Variants in DAB1 observed in about 807,000 individuals in gnomAD.
DAB1 encodes the protein disabled homolog 1.
Under a neutral mutation model 64.6 loss-of-function variants are expected in DAB1, and 15 were observed. That is an observed-to-expected ratio of 0.23 (90% confidence interval 0.16 to 0.36). The LOEUF (loss-of-function observed/expected upper bound fraction) is 0.36. DAB1 is among the 10% of genes least tolerant of loss of function. The pLI, the probability that DAB1 is intolerant of heterozygous loss-of-function variation, is 1.00. For synonymous variants in DAB1, 235 were observed against 251.9 expected, an observed-to-expected ratio of 0.93 and a Z score of 0.64; for missense variants, 596 against 706.7, an observed-to-expected ratio of 0.84 and a Z score of 1.78.
chr1:57,358,654 G>A (rs1407222163), intron 1 of DAB1, among the ~76,000 whole-genome samples: 1 of 151,796 alleles, frequency 6.6e-6, no homozygotes, highest in Non-Finnish European at 1.5e-5. Context: ...AACCACAAAA[G>A]AGCCCAAATA....
At chr1:58,219,025 C>CTCTCTCTCTCTCTGTGTGTGTG (rs376130413) in intron 4 of DAB1, among the ~76,000 whole-genome samples, 1 of 129,474 alleles carries the variant, frequency 7.7e-6, no homozygotes, top group Non-Finnish European at 1.6e-5. Flanking sequence ...CTCTCTCTCT[C>CTCTCTCTCTCTCTGTGTGTGTG]TGTGTGTGTG....
At chr1:58,481,661 A>G (rs1283725088) in intron 3 of DAB1, among the ~76,000 whole-genome samples, 1 of 152,066 alleles carries the variant, frequency 6.6e-6, no homozygotes, top group East Asian at 1.9e-4. Context: ...GTCTCCACCC[A>G]AATCTCATCT....
intron 3 of DAB1, among the ~76,000 whole-genome samples, chr1:58,427,804 G>C (rs1644835426): frequency 6.6e-6 from 1 of 152,116 alleles, no homozygotes; most frequent in African/African-American, 2.4e-5. Flanking sequence ...CTAGAGTTCA[G>C]GGGAGAGGCC....
In DAB1 at chr1:58,053,996, C is replaced by A. The variant is rs1322704974; in HGVS notation, n.387+96515G>T. On this transcript the variant is annotated intron_variant and non_coding_transcript_variant, in intron 5 of 20. Transcript: ENST00000485760. Reference sequence around the variant, plus strand: ...TTGTATGCTATACTGAAGGGAAGAACAAGAGGGAAGAAGTTAGAAAGGAAG... The same window carrying A: ...TTGTATGCTATACTGAAGGGAAGAAAAAGAGGGAAGAAGTTAGAAAGGAAG... Among the ~76,000 whole-genome samples the A allele has an allele frequency of 2.0e-5, 3 of 152,166 alleles. No homozygotes were observed. In the East Asian group the frequency reaches 5.8e-4, roughly 29 times the overall value.
At chr1:57,382,680 C>T (rs564249034) in intron 1 of DAB1, among the ~76,000 whole-genome samples, 33 of 152,228 alleles carry the variant, frequency 2.2e-4, no homozygotes, top group African/African-American at 2.9e-4. Context: ...GTCCTTCTCA[C>T]GCTGCCAACT....
chr1:57,233,288 A>G, intron 2 of DAB1, among the ~76,000 whole-genome samples: 1 of 48,462 alleles, frequency 2.1e-5, no homozygotes, highest in Non-Finnish European at 4.2e-5. Context: ...TTTGAGACGG[A>G]GTCTCGCTCT....
chr1:57,357,726 A>G lies in DAB1; in HGVS notation c.-137+66204T>C, dbSNP rs181818650. Among the ~76,000 whole-genome samples, 8 of 152,014 alleles carry G rather than the reference A, an allele frequency of 5.3e-5. No individual in the cohort carries two copies. The East Asian group carries it at 1.6e-3, about 30-fold the overall frequency. On this transcript the variant is annotated intron_variant, in intron 1 of 14. Coordinates refer to ENST00000371236, the MANE Select transcript of DAB1 (RefSeq NM_001365792.1). ...AAACTTACAATCATGGTGAAAGAGGAAGCAAACACATCCTTCTCACGTGGC... is the reference window on the plus strand; with the variant it reads ...AAACTTACAATCATGGTGAAAGAGGGAGCAAACACATCCTTCTCACGTGGC...
At chr1:58,388,208 A>T (rs922157288) in intron 3 of DAB1, among the ~76,000 whole-genome samples, 5 of 152,092 alleles carry the variant, frequency 3.3e-5, no homozygotes, top group Admixed American at 3.3e-4. Context: ...TTGGGGTATC[A>T]TTTTCTGAGC....
At chr1:57,486,881 GA>G (rs1444476427) in intron 7 of DAB1, among the ~76,000 whole-genome samples, 1 of 148,732 alleles carries the variant, frequency 6.7e-6, no homozygotes, top group African/African-American at 2.5e-5. Flanking sequence ...TGTGAAGAAA[GA>G]AAAGAAGACA....
At chr1:57,152,227 G>A (rs1659754865) in intron 2 of DAB1, among the ~76,000 whole-genome samples, 1 of 152,190 alleles carries the variant, frequency 6.6e-6, no homozygotes, top group African/African-American at 2.4e-5. Flanking sequence ...AGTGCGGTAG[G>A]GGAGGGTGCA....
intron 6 of DAB1, among the ~76,000 whole-genome samples, chr1:57,737,490 T>C (rs992521021): frequency 6.6e-6 from 1 of 152,216 alleles, no homozygotes; most frequent in South Asian, 2.1e-4. Flanking sequence ...TAAAGGTATC[T>C]ACCCATAGAT....
chr1:57,226,672 A>AAAAAAAAAATATATAT (rs747021990), intron 2 of DAB1, among the ~76,000 whole-genome samples: 18 of 135,986 alleles, frequency 1.3e-4, no homozygotes, highest in African/African-American at 5.6e-4. Flanking sequence ...TTAAAAAAAA[A>AAAAAAAAAATATATAT]ATATATATAT....
At chr1:58,272,769 C>A (rs572871489) in intron 4 of DAB1, among the ~76,000 whole-genome samples, 11 of 152,066 alleles carry the variant, frequency 7.2e-5, no homozygotes, top group Non-Finnish European at 1.5e-4. Context: ...GATCCCTTTA[C>A]CATTTGTCTC....
chr1:58,042,049 C>T (rs1356921185), intron 5 of DAB1, among the ~76,000 whole-genome samples: 1 of 152,188 alleles, frequency 6.6e-6, no homozygotes, highest in Non-Finnish European at 1.5e-5. Context: ...CAGGTCAGCT[C>T]CATTCTGGGA....
rs61781883 is a variant in DAB1 at position 58,298,333 on chromosome 1, T to C, written n.309+45019A>G. ...ACTGATTCCACCACTGTCTTTACTTTACTTTCTTTCTATTATTGTTCCTTT... is the reference window on the plus strand; with the variant it reads ...ACTGATTCCACCACTGTCTTTACTTCACTTTCTTTCTATTATTGTTCCTTT... On this transcript the variant is annotated intron_variant and non_coding_transcript_variant, in intron 4 of 20. Transcript: ENST00000485760. Among the ~76,000 whole-genome samples the C allele has an allele frequency of 8.1e-3, 1,227 of 152,366 alleles. 8 individuals are homozygous for C. Among genetic ancestry groups the C allele is most frequent in the Non-Finnish European group, 0.011 (755 of 68,034 alleles).
intron 7 of DAB1, among the ~76,000 whole-genome samples, chr1:57,529,703 T>G (rs1644638108): frequency 6.6e-6 from 1 of 152,172 alleles, no homozygotes; most frequent in Non-Finnish European, 1.5e-5. Flanking sequence ...ATATATGTAC[T>G]TAATAGCAAA....
intron 5 of DAB1, among the ~76,000 whole-genome samples, chr1:58,093,136 T>C (rs990758764): frequency 6.6e-6 from 1 of 152,136 alleles, no homozygotes; most frequent in African/African-American, 2.4e-5. Flanking sequence ...TGAACTATAC[T>C]CGTCACTCAA....
intron 4 of DAB1, among the ~76,000 whole-genome samples, chr1:58,269,293 C>A (rs1449361979): frequency 1.3e-5 from 2 of 151,654 alleles, no homozygotes; most frequent in Non-Finnish European, 2.9e-5. Flanking sequence ...TGATAGTTTA[C>A]TGAGAATGAT....
At chr1:57,054,450 C>T (rs1186766913) in intron 9 of DAB1, among the ~76,000 whole-genome samples, 1 of 149,372 alleles carries the variant, frequency 6.7e-6, no homozygotes, top group Non-Finnish European at 1.5e-5. Context: ...CAGACACCTT[C>T]CTCTCCACTC....
Sources: gnomAD v4.1 joint callset for allele counts (sites outside exome capture counted in the v4.1 genomes callset) on GRCh38, gnomAD v4.1.1 for gene constraint, MANE v1.5 for transcripts, NCBI Gene and HGNC (gene_info 2026-07-23, HGNC 2026-07-21) for gene names.